The following HPSE2 variants were observed in gnomAD, a reference collection of about 807,000 sequenced individuals.
HPSE2 encodes heparanase 2 (inactive).
A neutral mutation model predicts 60.5 loss-of-function variants in HPSE2; 38 were observed. That is an observed-to-expected ratio of 0.63 (90% CI 0.48 to 0.82). The LOEUF (loss-of-function observed/expected upper bound fraction) is 0.82, where lower values mean the gene tolerates loss of function less well. Among genes scored for constraint, HPSE2 ranks in the 40% least tolerant of loss-of-function variants. The pLI, the probability that HPSE2 is intolerant of heterozygous loss-of-function variation, is 0.00. For missense variants in HPSE2, 713 were observed against 740.4 expected, an observed-to-expected ratio of 0.96 and a Z score of 0.43; for synonymous variants, 295 against 293.2, an observed-to-expected ratio of 1.01 and a Z score of -0.06.
the HPSE2 span, among the ~76,000 whole-genome samples, chr10:99,296,154 T>C: frequency 1.3e-5 from 2 of 152,198 alleles, no homozygotes; most frequent in African/African-American, 4.8e-5. Flanking sequence ...AAGACTTCTA[T>C]TAAATACAGG....
chr10:98,663,782 C>A (rs972437600), intron 6 of HPSE2, among the ~76,000 whole-genome samples: 1 of 152,156 alleles, frequency 6.6e-6, no homozygotes, highest in East Asian at 1.9e-4. Context: ...CCACGGGGAG[C>A]CCCACAGGCC....
chr10:98,512,812 A>AACACACACACACACACACAC (rs71007394), intron 9 of HPSE2, among the ~76,000 whole-genome samples: 3,014 of 124,554 alleles, frequency 0.024, 123 homozygotes, highest in East Asian at 0.047. Flanking sequence ...CCCACCCCCC[A>AACACACACACACACACACAC]ACACACACAC....
chr10:98,694,047 G>T, intron 5 of HPSE2, 100 bp from the exon 6 acceptor site: 1 of 958,380 alleles, frequency 1.0e-6, no homozygotes, highest in Non-Finnish European at 1.7e-6. Flanking sequence ...CAATCCTTAA[G>T]CAGGTATGCT....
intron 3 of HPSE2, among the ~76,000 whole-genome samples, chr10:99,101,251 A>G (rs1413325815): frequency 2.0e-5 from 3 of 152,280 alleles, no homozygotes; most frequent in Non-Finnish European, 2.9e-5. Context: ...CCCATCTCAC[A>G]TGCAAAGACA....
At chr10:99,048,334 G>T in intron 3 of HPSE2, 1 of 368,060 alleles carries the variant, frequency 2.7e-6, no homozygotes, top group South Asian at 2.5e-5. Context: ...TTCTAAGCTG[G>T]TCAGTTAATA....
chr10:98,684,771 C>A (rs976813107), intron 6 of HPSE2, among the ~76,000 whole-genome samples: 10 of 151,842 alleles, frequency 6.6e-5, no homozygotes, highest in African/African-American at 2.2e-4. Flanking sequence ...AGGAGCTGGG[C>A]ACTGATGATT....
chr10:98,571,940 C>CTTTCTTTTTTT lies in HPSE2; in HGVS notation c.1320+42963_1320+42964insAAAAAAAGAAA, dbSNP rs560289933. 4.3e-5 allele frequency among the ~76,000 whole-genome samples: 6 copies of CTTTCTTTTTTT among 140,724 alleles called. 1 individual carries two copies. The highest frequency in any genetic ancestry group is 6.1e-5 in the Non-Finnish European group (4 of 65,560). The allele number at this position is 140,724 out of a possible 152,430, so 92.3% of individuals were successfully genotyped here. A position where few individuals can be genotyped will look rare whatever the true frequency, so the allele number is the denominator to read the frequency against. On this transcript the variant is annotated intron_variant, in intron 9 of 11. Coordinates refer to ENST00000370552, the MANE Select transcript of HPSE2 (RefSeq NM_021828.5). ...AATTCAGAGCAAGAGAATTCCTTTT[C>CTTTCTTTTTTT]TTTTTTTTTTTTTTTTGAGACGGAG...
intron 6 of HPSE2, among the ~76,000 whole-genome samples, chr10:98,646,169 G>A (rs1334119156): frequency 1.3e-5 from 2 of 152,010 alleles, no homozygotes; most frequent in African/African-American, 4.8e-5. Context: ...ACAGAGCTTT[G>A]GTTCACTGAT....
At chr10:99,313,903 G>A in the HPSE2 span, among the ~76,000 whole-genome samples, 3 of 151,878 alleles carry the variant, frequency 2.0e-5, no homozygotes, top group African/African-American at 7.3e-5. Context: ...CCAGCTGATT[G>A]ACTCCAATTT....
intron 3 of HPSE2, among the ~76,000 whole-genome samples, chr10:98,754,893 C>T (rs1949842239): frequency 6.6e-6 from 1 of 151,772 alleles, no homozygotes; most frequent in Non-Finnish European, 1.5e-5. Flanking sequence ...GAGTACTAAA[C>T]ATGAAAACAA....
rs1955266972 is a variant in HPSE2, at chr10:98,948,885, T to C, written c.610+195353A>G. Among the ~76,000 whole-genome samples the C allele has an allele frequency of 1.3e-5, 2 of 152,150 alleles. 1 individual carries two copies. Among genetic ancestry groups the C allele is most frequent in the African/African-American group, 4.8e-5 (2 of 41,442 alleles). ...GATTTTCTTAATAACCTTTTCTCTC[T>C]AGCTTACTTTATTATAAGAATATAC... On this transcript the variant is annotated intron_variant, in intron 3 of 11. Transcript: ENST00000370552.
the HPSE2 span, among the ~76,000 whole-genome samples, chr10:99,282,113 G>A: frequency 6.6e-6 from 1 of 151,932 alleles, no homozygotes; most frequent in African/African-American, 2.4e-5. Flanking sequence ...CAAAAAATTA[G>A]CCAGGCATGG....
At chr10:99,071,683 T>C (rs150861733) in intron 3 of HPSE2, among the ~76,000 whole-genome samples, 1 of 152,346 alleles carries the variant, frequency 6.6e-6, no homozygotes, top group African/African-American at 2.4e-5. Flanking sequence ...TTTATCCTAG[T>C]GGTTATGCAG....
intron 3 of HPSE2, chr10:99,013,266 T>A: frequency 1.6e-6 from 1 of 632,306 alleles, no homozygotes. Context: ...ATCTTGTTTA[T>A]TAGCAAAAAT....
chr10:98,740,543 A>G (rs1949472703), intron 4 of HPSE2, among the ~76,000 whole-genome samples: 1 of 152,136 alleles, frequency 6.6e-6, no homozygotes, highest in African/African-American at 2.4e-5. Context: ...TATTGGGTAT[A>G]TCTTGCTTTT....
intron 9 of HPSE2, among the ~76,000 whole-genome samples, chr10:98,518,369 C>T (rs535634015): frequency 6.6e-6 from 1 of 152,234 alleles, no homozygotes; most frequent in Admixed American, 6.5e-5. Context: ...AGACCATCAC[C>T]TTGGGCAAAA....
intron 7 of HPSE2, among the ~76,000 whole-genome samples, chr10:98,634,819 T>G (rs1359094569): frequency 6.6e-6 from 1 of 152,192 alleles, no homozygotes; most frequent in African/African-American, 2.4e-5. Context: ...TACAAACCAT[T>G]CCTTTATCCA....
rs576321070 is a variant in HPSE2 at position 98,497,918 on chromosome 10, G to A, written c.1321-7722C>T. Among the ~76,000 whole-genome samples the A allele has an allele frequency of 1.2e-3, 182 of 152,250 alleles. 1 individual carries two copies. The highest frequency in any genetic ancestry group is 4.1e-3 in the African/African-American group (171 of 41,550). On this transcript the variant is annotated intron_variant, in intron 9 of 11. Coordinates refer to ENST00000370552, the MANE Select transcript of HPSE2 (RefSeq NM_021828.5). Reference sequence around the variant, plus strand: ...GTGTTTTGCTAGGATGCTTATAGAAGTCATGTTTTATCCTTAATTTTATGA... The same window carrying A: ...GTGTTTTGCTAGGATGCTTATAGAAATCATGTTTTATCCTTAATTTTATGA...
chr10:98,889,364 CTT>C (rs71009714), intron 3 of HPSE2, among the ~76,000 whole-genome samples: 17 of 141,058 alleles, frequency 1.2e-4, no homozygotes, highest in Admixed American at 2.8e-4. Context: ...TCTCTCTTTT[CTT>C]TTTTTTTTTT....
Sources: allele counts gnomAD v4.1 joint callset (sites outside exome capture counted in the v4.1 genomes callset), GRCh38; gene constraint gnomAD v4.1.1; transcripts MANE v1.5; gene names NCBI Gene and HGNC (gene_info 2026-07-23, HGNC 2026-07-21).